The following PLEKHJ1 variants were observed in gnomAD, a reference collection of about 807,000 sequenced individuals.
The protein encoded by PLEKHJ1 is pleckstrin homology domain containing J1, also known as pleckstrin homology domain-containing family J member 1.
Under a neutral mutation model 21.7 loss-of-function variants are expected in PLEKHJ1, and 20 were observed. The observed-to-expected ratio is 0.92, with a 90% CI of 0.65 to 1.34. The LOEUF (loss-of-function observed/expected upper bound fraction) is 1.34, where lower values mean the gene tolerates loss of function less well. Among genes scored for constraint, PLEKHJ1 ranks in the 40% most tolerant of loss-of-function variants. PLEKHJ1 has a pLI of 0.00. For missense variants in PLEKHJ1, 241 were observed against 202.0 expected, an observed-to-expected ratio of 1.19 and a Z score of -1.17; for synonymous variants, 113 against 80.6, an observed-to-expected ratio of 1.40 and a Z score of -2.15.
rs2024689401 is a variant in PLEKHJ1, at chr19:2,233,748, CCAAAA to C, written c.*87_*91del. The C allele has an allele frequency of 7.5e-7, 1 of 1,324,688 alleles. No homozygotes were observed. The highest frequency in any genetic ancestry group is 1.3e-5 in the South Asian group (1 of 76,038). The allele number at this position is 1,324,688 out of a possible 1,614,324, so 82.1% of individuals were successfully genotyped here. A position where few individuals can be genotyped will look rare whatever the true frequency, so the allele number is the denominator to read the frequency against. The stretch of plus-strand genomic sequence containing the variant: ...GAAACCCTGACCCAAAAACCAAAAA[CCAAAA>C]CAAAACAGATCCAGGCATGGCCAAG... On this transcript the variant is annotated 3_prime_UTR_variant, in exon 6 of 6. Coordinates refer to ENST00000326631, the MANE Select transcript of PLEKHJ1 (RefSeq NM_018049.3).
chr19:2,230,554 C>G (rs529486883), downstream of PLEKHJ1: 287 of 398,730 alleles, frequency 7.2e-4, no homozygotes, highest in African/African-American at 5.5e-3. Flanking sequence ...CTCGGCTGTC[C>G]ATGGCTCGCA....
chr19:2,232,083 G>A (rs897128842), downstream of PLEKHJ1: 1 of 215,986 alleles, frequency 4.6e-6, no homozygotes. Flanking sequence ...GTGGAGACTG[G>A]GGATCTGGAG....
In PLEKHJ1 at chr19:2,236,140, C is replaced by T. The variant is rs1285170778; in HGVS notation, c.94+15G>A. 2 of 1,470,846 alleles carry T rather than the reference C, an allele frequency of 1.4e-6. No homozygotes were observed. Among genetic ancestry groups the T allele is most frequent in the Non-Finnish European group, 1.8e-6 (2 of 1,113,234 alleles). The allele number at this position is 1,470,846 out of a possible 1,614,324, so 91.1% of individuals were successfully genotyped here. A position where few individuals can be genotyped will look rare whatever the true frequency, so the allele number is the denominator to read the frequency against. On this transcript the variant is annotated intron_variant, in intron 1 of 5. Coordinates refer to ENST00000326631, the MANE Select transcript of PLEKHJ1 (RefSeq NM_018049.3). ...CCGCCCCTGGCACTGTCTCGGTCTC[C>T]CGGGTCCCGCTCACCGCTGCCCTTC...
In PLEKHJ1 at chr19:2,235,742, G is replaced by A. The variant is rs777355495; in HGVS notation, c.229+20C>T. ...CCCCGGGCTGCGGGAAGCGCCGCTGGCTTCCCTAGCCCCACTCACTGATGG... is the reference window on the plus strand; with the variant it reads ...CCCCGGGCTGCGGGAAGCGCCGCTGACTTCCCTAGCCCCACTCACTGATGG... On this transcript the variant is annotated intron_variant, in intron 3 of 5. Coordinates refer to ENST00000326631, the MANE Select transcript of PLEKHJ1 (RefSeq NM_018049.3). 5.8e-6 allele frequency: 9 copies of A among 1,543,112 alleles called. No homozygotes were observed. In the Admixed American group the frequency reaches 1.6e-4, roughly 27 times the overall value.
Position 2,236,294 on chromosome 19 carries a change from G to T in PLEKHJ1, c.-46C>A, listed in dbSNP as rs937110957. ...CCCGGGCCGCGCCCTCCCGGCCGCC[G>T]TCCCCGCTCAGGCTGGGGCCGGCGC... On this transcript the variant is annotated 5_prime_UTR_variant, in exon 1 of 6. Coordinates refer to ENST00000326631, the MANE Select transcript of PLEKHJ1 (RefSeq NM_018049.3). 3.2e-6 allele frequency: 4 copies of T among 1,239,570 alleles called. No individual in the cohort carries two copies. The highest frequency in any genetic ancestry group is 4.2e-6 in the Non-Finnish European group (4 of 959,208). The allele number at this position is 1,239,570 out of a possible 1,614,324, so 76.8% of individuals were successfully genotyped here. A position where few individuals can be genotyped will look rare whatever the true frequency, so the allele number is the denominator to read the frequency against.
At chr19:2,235,435 T>C (rs2024769310) in intron 3 of PLEKHJ1, 1 of 388,082 alleles carries the variant, frequency 2.6e-6, no homozygotes, top group Non-Finnish European at 4.7e-6. Flanking sequence ...ATAACAATGC[T>C]AGACCCATGC....
At chr19:2,234,311 A>G in intron 3 of PLEKHJ1, 71 bp from the exon 4 acceptor site, 1 of 1,176,778 alleles carries the variant, frequency 8.5e-7, no homozygotes, top group Non-Finnish European at 1.2e-6. Context: ...TTGCCCATAA[A>G]CTGTCCCTTC....
rs752972442 is a variant in PLEKHJ1, at chr19:2,236,120, C to CCTGGCA, written c.94+29_94+34dup. 4.1e-5 allele frequency: 60 copies of CCTGGCA among 1,447,982 alleles called. No individual in the cohort carries two copies. In the African/African-American group the frequency reaches 8.1e-4, roughly 19 times the overall value. 89.7% of individuals were successfully genotyped at this position (1,447,982 alleles called of 1,614,324 possible). On this transcript the variant is annotated intron_variant, in intron 1 of 5. Transcript: ENST00000326631. ...CAGACCCCGGCCCCGGCCTCCCGCC[C>CCTGGCA]CTGGCACTGTCTCGGTCTCCCGGGT...
intron 3 of PLEKHJ1, 110 bp from the exon 4 acceptor site, chr19:2,234,350 C>A: frequency 1.3e-6 from 1 of 762,238 alleles, no homozygotes. Flanking sequence ...GTGTTCATGT[C>A]CTGACCCCCC....
chr19:2,236,104 G>A (rs2024805004), intron 1 of PLEKHJ1, 51 bp downstream of exon 1: 1 of 1,405,272 alleles, frequency 7.1e-7, no homozygotes, highest in Non-Finnish European at 9.3e-7. Flanking sequence ...CCAGACCCCG[G>A]CCCCGGCCTC....
rs909963109 is a variant in PLEKHJ1 at position 2,236,234 on chromosome 19, C to T, written c.15G>A (p.Glu5=). ...GCCGGGACAGAGCCTGCAGCTCCTT[C>T]TCGTTGTACCGCATGGCTCCGCGGG... MRYN[E]KELQALSRQP... is the part of the protein sequence containing the mutation. Residue 5 remains glutamate, a synonymous_variant, in exon 1 of 6, where the codon GAG becomes GAA. Transcript: ENST00000326631. 4 of 1,442,064 alleles carry T rather than the reference C, an allele frequency of 2.8e-6. No individual in the cohort carries two copies. In the African/African-American group the frequency reaches 4.5e-5, roughly 16 times the overall value. The allele number at this position is 1,442,064 out of a possible 1,614,324, so 89.3% of individuals were successfully genotyped here. A position where few individuals can be genotyped will look rare whatever the true frequency, so the allele number is the denominator to read the frequency against.
rs772950326 is a variant in PLEKHJ1, at chr19:2,235,754, C to T, written c.229+8G>A. 5.2e-6 allele frequency: 8 copies of T among 1,547,898 alleles called. No homozygotes were observed. The highest frequency in any genetic ancestry group is 1.4e-5 in the African/African-American group (1 of 72,940). On this transcript the variant is annotated splice_region_variant and intron_variant, in intron 3 of 5. Coordinates refer to ENST00000326631, the MANE Select transcript of PLEKHJ1 (RefSeq NM_018049.3). ...GGAAGCGCCGCTGGCTTCCCTAGCC[C>T]CACTCACTGATGGAGAAGGTGCCGG... is the stretch of plus-strand genomic sequence containing the variant.
chr19:2,235,061 A>G (rs1377268038), intron 3 of PLEKHJ1: 1 of 152,158 alleles, frequency 6.6e-6, no homozygotes, highest in Non-Finnish European at 1.5e-5. Context: ...TGGGCCCTAA[A>G]TTCTGCTTGG....
chr19:2,233,809 C>T lies in PLEKHJ1; in HGVS notation c.*31G>A. 6.4e-7 allele frequency: 1 copy of T among 1,570,364 alleles called. No individual in the cohort carries two copies. The highest frequency in any genetic ancestry group is 8.6e-7 in the Non-Finnish European group (1 of 1,160,582). The stretch of plus-strand genomic sequence containing the variant: ...CATGGCTGGGCAGGGCCAGTCCCGT[C>T]CCGCTGCACGCTGACCACCGTGCCC... On this transcript the variant is annotated 3_prime_UTR_variant, in exon 6 of 6. Coordinates refer to ENST00000326631, the MANE Select transcript of PLEKHJ1 (RefSeq NM_018049.3).
At position 2,235,617 on chromosome 19, in the gene PLEKHJ1, G is replaced by T. The variant is rs559984710; in HGVS notation, c.229+145C>A. The stretch of plus-strand genomic sequence containing the variant: ...AGGAGAACTTGACCTTGAGCTGCCC[G>T]TGGACAATGCACTCTTGTGTTTGAG... On this transcript the variant is annotated intron_variant, in intron 3 of 5. Transcript: ENST00000326631. 662 of 684,652 alleles carry T rather than the reference G, an allele frequency of 9.7e-4. 2 individuals are homozygous for T. Among genetic ancestry groups the T allele is most frequent in the South Asian group, 1.3e-3 (71 of 53,318 alleles). 42.4% of individuals were successfully genotyped at this position (684,652 alleles called of 1,614,324 possible). A position where few individuals can be genotyped will look rare whatever the true frequency, so the allele number is the denominator to read the frequency against.
Position 2,233,811 on chromosome 19 carries a change from C to T in PLEKHJ1, c.*29G>A, listed in dbSNP as rs745620243. 3.7e-5 allele frequency: 58 copies of T among 1,573,616 alleles called. No individual in the cohort carries two copies. Among genetic ancestry groups the T allele is most frequent in the Non-Finnish European group, 4.8e-5 (56 of 1,162,604 alleles). On this transcript the variant is annotated 3_prime_UTR_variant, in exon 6 of 6. Transcript: ENST00000326631. ...TGGCTGGGCAGGGCCAGTCCCGTCC[C>T]GCTGCACGCTGACCACCGTGCCCTG... is the stretch of plus-strand genomic sequence containing the variant.
Position 2,235,825 on chromosome 19 carries a change from C to CG in PLEKHJ1, c.165dup (p.Val56ArgfsTer25). 6.4e-7 allele frequency: 1 copy of CG among 1,556,308 alleles called. No individual in the cohort carries two copies. The highest frequency in any genetic ancestry group is 1.4e-5 in the African/African-American group (1 of 73,438). ...CAGCGCTCCAGCAGCAGGGCTCCGA[C>CG]GGGCTGGAGGAGACACGGGCGCCGG... is the stretch of plus-strand genomic sequence containing the variant. On this transcript the variant is annotated frameshift_variant, in exon 3 of 6. Coordinates refer to ENST00000326631, the MANE Select transcript of PLEKHJ1 (RefSeq NM_018049.3). LOFTEE classifies it high-confidence loss of function.
At chr19:2,231,725 G>C (rs1337590998), downstream of PLEKHJ1, 1 of 213,304 alleles carries the variant, frequency 4.7e-6, no homozygotes, top group Non-Finnish European at 9.5e-6. Context: ...GTTGATGGCA[G>C]AGACGGCCGA....
chr19:2,236,252 TCCGCGGGGAACGGGAACCCGGG>T lies in PLEKHJ1; in HGVS notation c.-26_-5del. ...GCTCCTTCTCGTTGTACCGCATGGC[TCCGCGGGGAACGGGAACCCGGG>T]CCGCGCCCTCCCGGCCGCCGTCCCC... On this transcript the variant is annotated 5_prime_UTR_variant, in exon 1 of 6. Coordinates refer to ENST00000326631, the MANE Select transcript of PLEKHJ1 (RefSeq NM_018049.3). The T allele has an allele frequency of 7.2e-7, 1 of 1,390,046 alleles. No homozygotes were observed. The highest frequency in any genetic ancestry group is 9.3e-7 in the Non-Finnish European group (1 of 1,073,236). The allele number at this position is 1,390,046 out of a possible 1,614,324, so 86.1% of individuals were successfully genotyped here.
Sources: gnomAD v4.1 joint callset for allele counts on GRCh38, gnomAD v4.1.1 for gene constraint, MANE v1.5 for transcripts, NCBI Gene and HGNC (gene_info 2026-07-23, HGNC 2026-07-21) for gene names.